Variants in RBSN observed in about 807,000 individuals in gnomAD.
RBSN encodes rabenosyn, RAB effector, also known as rabenosyn-5.
RBSN carries 34 observed loss-of-function variants against 60.5 expected under a neutral mutation model. That is an observed-to-expected ratio of 0.56 (90% CI 0.43 to 0.75). The LOEUF is 0.75. Among genes scored for constraint, RBSN ranks in the 30% least tolerant of loss-of-function variants. The probability of loss-of-function intolerance (pLI) is 0.00; values close to 1 mark genes in which losing one functional copy is unlikely to be tolerated. For synonymous variants in RBSN, 322 were observed against 366.9 expected, an observed-to-expected ratio of 0.88 and a Z score of 1.40; for missense variants, 845 against 986.8, an observed-to-expected ratio of 0.86 and a Z score of 1.92.
rs148889976 is a variant in RBSN at position 15,091,120 on chromosome 3, G to A, written c.149-581C>T. Among the ~76,000 whole-genome samples, 800 of 139,702 alleles carry A rather than the reference G, an allele frequency of 5.7e-3. 7 individuals are homozygous for A. Among genetic ancestry groups the A allele is most frequent in the African/African-American group, 0.02 (749 of 37,684 alleles). 91.6% of individuals were successfully genotyped at this position (139,702 alleles called of 152,430 possible). A position where few individuals can be genotyped will look rare whatever the true frequency, so the allele number is the denominator to read the frequency against. ...AGCTACTTGGGAGGCTGAGGTGGGA[G>A]AATCACCTGAGCCCAGGAGGTCGAG... On this transcript the variant is annotated intron_variant, in intron 4 of 13. Transcript: ENST00000253699.
chr3:15,089,423 T>C (rs1416014193), intron 5 of RBSN, among the ~76,000 whole-genome samples: 53 of 113,938 alleles, frequency 4.7e-4, no homozygotes, highest in African/African-American at 1.7e-3. Context: ...AGCCCTGGAC[T>C]CCAGCCTGGG....
chr3:15,082,458 C>T lies in RBSN; in HGVS notation c.749G>A (p.Arg250His), dbSNP rs765003105. 8 of 1,614,072 alleles carry T rather than the reference C, an allele frequency of 5.0e-6. No homozygotes were observed. The highest frequency in any genetic ancestry group is 2.7e-5 in the African/African-American group (2 of 74,928). The change falls in exon 9 of 14, where the codon CGC (arginine) becomes CAC (histidine). Residue 250 changes from arginine (R) to histidine (H), a missense_variant. Coordinates refer to ENST00000253699, the MANE Select transcript of RBSN (RefSeq NM_022340.4). This position sits in a 1 kb window ranked among gnomAD's most constrained non-coding sequence, Gnocchi z 4.2. ...CGTGTCCTTGCAGTGTGTACAGCAG[C>T]GGATCCGGTCATCGTCCTTCTCATC... ...VLDEKDDDRI[R>H]CCTHCKDTLL...
chr3:15,080,028 A>C (rs1051953001), intron 10 of RBSN, among the ~76,000 whole-genome samples: 4 of 152,166 alleles, frequency 2.6e-5, no homozygotes, highest in Non-Finnish European at 5.9e-5. Context: ...GTGGATCACG[A>C]GGTCAAGAGA....
chr3:15,091,486 T>C, intron 4 of RBSN: 4 of 1,287,174 alleles, frequency 3.1e-6, no homozygotes, highest in Non-Finnish European at 4.1e-6. Context: ...AAGAAACAGA[T>C]ATAACATCTA....
rs1237096068 is a variant in RBSN, at chr3:15,071,173, C to T, written c.*2609G>A. ...AATGTTTCTTGTGTGTTTTTCAATG[C>T]TTTTAGTTACTTACAGATTGCTACC... On this transcript the variant is annotated 3_prime_UTR_variant, in exon 14 of 14. Coordinates refer to ENST00000253699, the MANE Select transcript of RBSN (RefSeq NM_022340.4). The T allele has an allele frequency of 6.6e-6, 1 of 152,146 alleles. No homozygotes were observed. The highest frequency in any genetic ancestry group is 1.5e-5 in the Non-Finnish European group (1 of 68,038). The allele number at this position is 152,146 out of a possible 1,614,324, so 9.4% of individuals were successfully genotyped here.
In RBSN at chr3:15,085,965, G is replaced by C. The variant is rs779328081; in HGVS notation, c.290-4C>G. The C allele has an allele frequency of 1.2e-6, 2 of 1,612,984 alleles. No individual in the cohort carries two copies. The highest frequency in any genetic ancestry group is 1.7e-6 in the Non-Finnish European group (2 of 1,179,298). ...GAAAGATGGCTTCTCACAGCACCTAGAGGGAAGGAAGGTAGGGAGACAAAT... is the reference window on the plus strand; with the variant it reads ...GAAAGATGGCTTCTCACAGCACCTACAGGGAAGGAAGGTAGGGAGACAAAT... On this transcript the variant is annotated splice_region_variant and splice_polypyrimidine_tract_variant and intron_variant, in intron 5 of 13. Transcript: ENST00000253699.
chr3:15,090,597 A>T (rs931588612), intron 4 of RBSN, 58 bp from the exon 5 acceptor site: 3 of 1,558,620 alleles, frequency 1.9e-6, no homozygotes, highest in Non-Finnish European at 2.6e-6. Flanking sequence ...GTAAACAGTC[A>T]AAAGAAATCT....
In RBSN at chr3:15,074,182, T is replaced by A. The variant is rs2042988582; in HGVS notation, c.1955A>T (p.Asp652Val). 4.3e-6 allele frequency: 7 copies of A among 1,612,308 alleles called. No individual in the cohort carries two copies. The highest frequency in any genetic ancestry group is 5.9e-6 in the Non-Finnish European group (7 of 1,178,956). Reference sequence around the variant, plus strand: ...CTCTTTCAGGATGCGGGCTGAAGGGTCTAAGGAAACCCCTGCAGCAGGAGG... The same window carrying A: ...CTCTTTCAGGATGCGGGCTGAAGGGACTAAGGAAACCCCTGCAGCAGGAGG... ...TGPPAAGVSL[D>V]PSARILKEYN... Residue 652 changes from aspartate to valine, a missense_variant, in exon 14 of 14, where the codon GAC becomes GTC. Transcript: ENST00000253699. This position sits in a 1 kb window ranked among gnomAD's most constrained non-coding sequence, Gnocchi z 6.4.
In RBSN at chr3:15,074,871, C is replaced by T. The variant is rs35731725; in HGVS notation, c.1266G>A (p.Ala422=). 2.7e-3 allele frequency: 4,398 copies of T among 1,613,998 alleles called. 91 individuals are homozygous for T. In the African/African-American group the frequency reaches 0.052, roughly 19 times the overall value. ...EERQSGLASR[A]ANGEVASLRR... is the part of the protein sequence containing the mutation. ...GGAGAGATGCCACCTCCCCGTTGGCCGCTCGAGAAGCCAGGCCACTCTGCC... is the reference window on the plus strand; with the variant it reads ...GGAGAGATGCCACCTCCCCGTTGGCTGCTCGAGAAGCCAGGCCACTCTGCC... The change falls in exon 14 of 14, where the codon GCG becomes GCA. Residue 422 remains alanine (A), a synonymous_variant. Transcript: ENST00000253699. The surrounding 1 kb of genome is among the most constrained non-coding windows in gnomAD (Gnocchi z 6.4).
rs1464920591 is a variant in RBSN, at chr3:15,071,297, A to C, written c.*2485T>G. On this transcript the variant is annotated 3_prime_UTR_variant, in exon 14 of 14. Transcript: ENST00000253699. ...TGTTCTCACAAGAAAAATAATTATG[A>C]TGGAAAGCAGCAATTAGCTTCTGGA... 1 of 152,208 alleles carries C rather than the reference A, an allele frequency of 6.6e-6. No homozygotes were observed. The highest frequency in any genetic ancestry group is 1.5e-5 in the Non-Finnish European group (1 of 68,036). The allele number at this position is 152,208 out of a possible 1,614,324, so 9.4% of individuals were successfully genotyped here. A position where few individuals can be genotyped will look rare whatever the true frequency, so the allele number is the denominator to read the frequency against.
intron 5 of RBSN, among the ~76,000 whole-genome samples, chr3:15,088,995 C>T (rs531912694): frequency 2.0e-5 from 3 of 152,162 alleles, no homozygotes; most frequent in Non-Finnish European, 2.9e-5. Context: ...CCAGTTTCCT[C>T]ATCCATAAAT....
intron 4 of RBSN, 23 bp from the exon 5 acceptor site, chr3:15,090,562 A>G: frequency 6.2e-7 from 1 of 1,611,218 alleles, no homozygotes; most frequent in Non-Finnish European, 8.5e-7. Flanking sequence ...AACAAATAAT[A>G]CAAATGAGCC....
At chr3:15,079,983 G>C (rs941665062) in intron 10 of RBSN, among the ~76,000 whole-genome samples, 4 of 152,186 alleles carry the variant, frequency 2.6e-5, no homozygotes, top group African/African-American at 9.6e-5. Context: ...GGTGGCTCAC[G>C]CCTGTAATCC....
intron 5 of RBSN, among the ~76,000 whole-genome samples, chr3:15,089,466 AAAAAAAAAAAAC>A (rs2043441645): frequency 1.8e-5 from 2 of 112,498 alleles, no homozygotes; most frequent in Non-Finnish European, 3.3e-5. Flanking sequence ...CAAAAAAAAA[AAAAAAAAAAAAC>A]AAAAAAAAAA....
At position 15,082,759 on chromosome 3, in the gene RBSN, G is replaced by T; in HGVS notation, c.599-151C>A. The T allele has an allele frequency of 8.5e-7, 1 of 1,177,596 alleles. No individual in the cohort carries two copies. The highest frequency in any genetic ancestry group is 1.2e-6 in the Non-Finnish European group (1 of 852,464). 72.9% of individuals were successfully genotyped at this position (1,177,596 alleles called of 1,614,324 possible). The stretch of plus-strand genomic sequence containing the variant: ...GCACGTACTGCCCCTCTGCCTTCCT[G>T]GTGTCAGACTCTGGTGAGAAAGGAC... On this transcript the variant is annotated intron_variant, in intron 8 of 13. Transcript: ENST00000253699. The surrounding 1 kb of genome is among the most constrained non-coding windows in gnomAD (Gnocchi z 4.2).
chr3:15,089,328 T>A (rs1397897146), intron 5 of RBSN, among the ~76,000 whole-genome samples: 1 of 151,058 alleles, frequency 6.6e-6, no homozygotes, highest in Non-Finnish European at 1.5e-5. Context: ...CCAGGTGTGA[T>A]GGATGGTGTG....
Position 15,077,201 on chromosome 3 carries a change from G to T in RBSN, c.999-37C>A, listed in dbSNP as rs781109932. The T allele has an allele frequency of 1.3e-6, 2 of 1,544,962 alleles. No individual in the cohort carries two copies. The highest frequency in any genetic ancestry group is 2.2e-5 in the East Asian group (1 of 44,562). ...CAAACACATGAATATAATGAGCACTGCCAGCTTCAGAAACAAGGGTGAAAA... is the reference window on the plus strand; with the variant it reads ...CAAACACATGAATATAATGAGCACTTCCAGCTTCAGAAACAAGGGTGAAAA... On this transcript the variant is annotated intron_variant, in intron 11 of 13. Transcript: ENST00000253699. This position sits in a 1 kb window ranked among gnomAD's most constrained non-coding sequence, Gnocchi z 4.4.
At position 15,082,666 on chromosome 3, in the gene RBSN, C is replaced by T. The variant is rs574544854; in HGVS notation, c.599-58G>A. On this transcript the variant is annotated intron_variant, in intron 8 of 13. Coordinates refer to ENST00000253699, the MANE Select transcript of RBSN (RefSeq NM_022340.4). This position sits in a 1 kb window ranked among gnomAD's most constrained non-coding sequence, Gnocchi z 4.2. ...CCCCACAGCATCCAATTACCATACC[C>T]ACGACCTCAAGGTGTCAGTCCACAG... 183 of 1,583,660 alleles carry T rather than the reference C, an allele frequency of 1.2e-4. No homozygotes were observed. The African/African-American group carries it at 2.0e-3, about 17-fold the overall frequency.
chr3:15,074,326 G>C lies in RBSN; in HGVS notation c.1811C>G (p.Pro604Arg). ...GGGTAAGCGCTCCTGGCCAACGGCT[G>C]GGGGCCCAGACCACACTCTGGTGGG... ...TQPTRVWSGP[P>R]AVGQERLPQS... Residue 604 changes from proline (P) to arginine (R), a missense_variant, in exon 14 of 14, where the codon CCA becomes CGA. Transcript: ENST00000253699. This position sits in a 1 kb window ranked among gnomAD's most constrained non-coding sequence, Gnocchi z 6.4. The C allele has an allele frequency of 6.2e-7, 1 of 1,614,130 alleles. No homozygotes were observed. Among genetic ancestry groups the C allele is most frequent in the Admixed American group, 1.7e-5 (1 of 60,014 alleles).
Sources: gnomAD v4.1 joint callset for allele counts (sites outside exome capture counted in the v4.1 genomes callset) on GRCh38, gnomAD v4.1.1 for gene constraint, Gnocchi (gnomAD v3.1) non-coding constraint, MANE v1.5 for transcripts, NCBI Gene and HGNC (gene_info 2026-07-23, HGNC 2026-07-21) for gene names.